Variants in SEC63 observed in about 807,000 individuals in gnomAD.
SEC63 encodes the protein SEC63 protein translocation regulator.
A neutral mutation model predicts 116.2 loss-of-function variants in SEC63; 56 were observed. That is an observed-to-expected ratio of 0.48 (90% CI 0.39 to 0.60). The LOEUF (loss-of-function observed/expected upper bound fraction) is 0.60. Ranked by LOEUF, SEC63 falls within the 20% of genes least tolerant of loss-of-function variation. The pLI, the probability that SEC63 is intolerant of heterozygous loss-of-function variation, is 0.00. For synonymous variants in SEC63, 273 were observed against 294.6 expected (o/e 0.93, Z 0.75); for missense variants, 668 against 900.0 (o/e 0.74, Z 3.30).
intron 12 of SEC63, 56 bp downstream of exon 12, chr6:107,902,788 C>A: frequency 6.5e-7 from 1 of 1,535,340 alleles, no homozygotes; most frequent in Admixed American, 1.7e-5. Context: ...ATTCATGTTA[C>A]CTTTAAGTGA....
chr6:107,909,530 T>C (rs1021653872), intron 7 of SEC63, among the ~76,000 whole-genome samples: 1 of 152,186 alleles, frequency 6.6e-6, no homozygotes, highest in East Asian at 1.9e-4. Flanking sequence ...GTGATTTCTT[T>C]AGCAAATATT....
At chr6:107,912,600 T>A (rs1787307158) in intron 6 of SEC63, 116 bp downstream of exon 6, 1 of 718,572 alleles carries the variant, frequency 1.4e-6, no homozygotes, top group East Asian at 2.7e-5. Flanking sequence ...AATGAATGAA[T>A]GAATGGCACA....
intron 2 of SEC63, among the ~76,000 whole-genome samples, 183 bp downstream of exon 2, chr6:107,929,232 C>T (rs1053092148): frequency 6.6e-6 from 1 of 152,218 alleles, no homozygotes; most frequent in African/African-American, 2.4e-5. Context: ...GTATACTCCC[C>T]TTCCTTTGAA....
rs183628349 is a variant in SEC63 at position 107,924,213 on chromosome 6, G to A, written c.339+605C>T. ...CAGGAGGCAGAGTTTGCAGTGAGCC[G>A]ACGTCGTGCCACTGCACTCCAGCCT... On this transcript the variant is annotated intron_variant, in intron 3 of 20. Transcript: ENST00000369002. 8.2e-4 allele frequency among the ~76,000 whole-genome samples: 123 copies of A among 150,176 alleles called. No homozygotes were observed. The Middle Eastern group carries it at 0.025, about 30-fold the overall frequency.
At chr6:107,909,691 T>C (rs1787232049) in intron 7 of SEC63, among the ~76,000 whole-genome samples, 1 of 152,164 alleles carries the variant, frequency 6.6e-6, no homozygotes, top group African/African-American at 2.4e-5. Flanking sequence ...ACACAGCATG[T>C]CTTCAATAAA....
At chr6:107,909,185 T>C (rs553710510) in intron 7 of SEC63, 150 bp from the exon 8 acceptor site, 35 of 609,598 alleles carry the variant, frequency 5.7e-5, no homozygotes, top group African/African-American at 4.7e-4. Context: ...CTGGGCAACA[T>C]AGTGAGACCC....
chr6:107,912,925 C>G lies in SEC63; in HGVS notation c.515-151G>C, dbSNP rs575270741. On this transcript the variant is annotated intron_variant, in intron 5 of 20. Transcript: ENST00000369002. ...GAAAGATTATCTTATTAGTAGGCCCCCATTACACAAAAGTTCAGGGATATA... is the reference window on the plus strand; with the variant it reads ...GAAAGATTATCTTATTAGTAGGCCCGCATTACACAAAAGTTCAGGGATATA... 28 of 689,388 alleles carry G rather than the reference C, an allele frequency of 4.1e-5. No homozygotes were observed. The African/African-American group carries it at 4.7e-4, about 12-fold the overall frequency. The allele number at this position is 689,388 out of a possible 1,614,324, so 42.7% of individuals were successfully genotyped here.
At chr6:107,902,358 A>C (rs1310574960) in intron 12 of SEC63, among the ~76,000 whole-genome samples, 1 of 152,096 alleles carries the variant, frequency 6.6e-6, no homozygotes, top group Admixed American at 6.5e-5. Context: ...TTGTAACTTC[A>C]GTTTCTTATA....
chr6:107,914,352 C>T (rs537875799), intron 4 of SEC63, among the ~76,000 whole-genome samples: 16 of 152,154 alleles, frequency 1.1e-4, no homozygotes, highest in South Asian at 4.1e-4. Context: ...TAATTTTAAC[C>T]GTACTTCTAC....
intron 1 of SEC63, among the ~76,000 whole-genome samples, chr6:107,937,381 C>T (rs1770275612): frequency 6.6e-6 from 1 of 152,150 alleles, no homozygotes. Context: ...CTGCCTCGGC[C>T]TCCCAAAGTG....
At chr6:107,953,555 G>A (rs1193457737) in intron 1 of SEC63, among the ~76,000 whole-genome samples, 5 of 146,586 alleles carry the variant, frequency 3.4e-5, no homozygotes, top group Admixed American at 1.3e-4. Context: ...CAGCCGCCCC[G>A]TCCGGGAGGG....
rs552512498 is a variant in SEC63 at position 107,906,626 on chromosome 6, A to G, written c.829-46T>C. On this transcript the variant is annotated intron_variant, in intron 9 of 20. Transcript: ENST00000369002. ...ATTCAAAAACACGCTTTTTTTAAAA[A>G]AAGTATTCACTTTAATACTTAACTG... The G allele has an allele frequency of 1.7e-4, 268 of 1,606,748 alleles. 2 individuals carry two copies. The South Asian group carries it at 2.9e-3, about 17-fold the overall frequency.
In SEC63 at chr6:107,906,435, G is replaced by C. The variant is rs777984315; in HGVS notation, c.961+13C>G. The C allele has an allele frequency of 1.2e-6, 2 of 1,613,600 alleles. No homozygotes were observed. Among genetic ancestry groups the C allele is most frequent in the African/African-American group, 2.7e-5 (2 of 74,898 alleles). On this transcript the variant is annotated intron_variant, in intron 10 of 20. Transcript: ENST00000369002. ...TCCCACTAAACCTCTGTAGATACCGGAATCACAAATACCTTCTTCAAGGGT... is the reference window on the plus strand; with the variant it reads ...TCCCACTAAACCTCTGTAGATACCGCAATCACAAATACCTTCTTCAAGGGT...
chr6:107,930,315 T>A (rs7762029), intron 1 of SEC63: 108,164 of 149,256 alleles, frequency 0.72, 41,943 homozygotes, highest in South Asian at 0.9. Context: ...ATTTTTATTT[T>A]AAAAAAAAAA....
At chr6:107,952,560 C>A (rs759038605) in intron 1 of SEC63, among the ~76,000 whole-genome samples, 8 of 151,870 alleles carry the variant, frequency 5.3e-5, no homozygotes, top group East Asian at 1.9e-4. Flanking sequence ...GAGTTGGAAA[C>A]CAGCCTGGCC....
chr6:107,871,478 A>G lies in SEC63; in HGVS notation c.*226T>C. On this transcript the variant is annotated 3_prime_UTR_variant, in exon 21 of 21. Coordinates refer to ENST00000369002, the MANE Select transcript of SEC63 (RefSeq NM_007214.5). Reference sequence around the variant, plus strand: ...AGGATTTATTATCATTTGCAGATGAAATAAATGTACCATCCCCTACTTGAA... The same window carrying G: ...AGGATTTATTATCATTTGCAGATGAGATAAATGTACCATCCCCTACTTGAA... The G allele has an allele frequency of 1.8e-6, 1 of 558,936 alleles. No homozygotes were observed. The highest frequency in any genetic ancestry group is 3.2e-6 in the Non-Finnish European group (1 of 310,530). The allele number at this position is 558,936 out of a possible 1,614,324, so 34.6% of individuals were successfully genotyped here.
intron 4 of SEC63, among the ~76,000 whole-genome samples, chr6:107,917,181 G>C (rs1288361667): frequency 6.6e-6 from 1 of 152,164 alleles, no homozygotes; most frequent in Non-Finnish European, 1.5e-5. Context: ...CAGTTAACTA[G>C]CCCAACCTAT....
intron 7 of SEC63, among the ~76,000 whole-genome samples, chr6:107,910,365 G>A (rs1219448512): frequency 6.6e-6 from 1 of 152,132 alleles, no homozygotes; most frequent in African/African-American, 2.4e-5. Context: ...TACTTGGGAG[G>A]CTGAGGTGGG....
At position 107,903,016 on chromosome 6, in the gene SEC63, A is replaced by AAAAAGAAACAGGGC; in HGVS notation, c.1055-32_1055-19dup. The AAAAAGAAACAGGGC allele has an allele frequency of 6.2e-7, 1 of 1,613,916 alleles. No homozygotes were observed. Among genetic ancestry groups the AAAAAGAAACAGGGC allele is most frequent in the East Asian group, 2.2e-5 (1 of 44,862 alleles). On this transcript the variant is annotated intron_variant, in intron 11 of 20. Coordinates refer to ENST00000369002, the MANE Select transcript of SEC63 (RefSeq NM_007214.5). ...CTCCCTTTCTTAGAAAGAACAGGAA[A>AAAAAGAAACAGGGC]AAAAGAAACAGGGCTGGACTTTTTA...
Sources: allele counts gnomAD v4.1 joint callset (sites outside exome capture counted in the v4.1 genomes callset), GRCh38; gene constraint gnomAD v4.1.1; transcripts MANE v1.5; gene names NCBI Gene and HGNC (gene_info 2026-07-23, HGNC 2026-07-21).